SORCS3: variants seen among roughly 807,000 people sequenced by gnomAD.
SORCS3 encodes sortilin related VPS10 domain containing receptor 3.
A neutral mutation model predicts 146.3 loss-of-function variants in SORCS3; 57 were observed. The ratio of observed to expected loss-of-function variants is 0.39; its 90% CI spans 0.31 to 0.49. SORCS3 has a LOEUF of 0.49. SORCS3 is among the 20% of genes least tolerant of loss of function. The pLI, the probability that SORCS3 is intolerant of heterozygous loss-of-function variation, is 0.92. For missense variants in SORCS3, 1,341 were observed against 1,575.5 expected, an observed-to-expected ratio of 0.85 and a Z score of 2.52; for synonymous variants, 653 against 618.5, an observed-to-expected ratio of 1.06 and a Z score of -0.83.
At chr10:105,182,795 A>G (rs1163342683) in intron 14 of SORCS3, among the ~76,000 whole-genome samples, 2 of 152,026 alleles carry the variant, frequency 1.3e-5, no homozygotes, top group African/African-American at 4.8e-5. Flanking sequence ...TCCCAGGCTC[A>G]GGGGTCAAGT....
intron 1 of SORCS3, among the ~76,000 whole-genome samples, chr10:104,753,932 G>A (rs1315114540): frequency 1.3e-5 from 2 of 152,204 alleles, no homozygotes; most frequent in African/African-American, 4.8e-5. Flanking sequence ...AGTTGAGAAT[G>A]TATATATCTG....
intron 4 of SORCS3, among the ~76,000 whole-genome samples, chr10:104,999,032 T>C (rs1309552437): frequency 2.0e-5 from 3 of 152,162 alleles, no homozygotes; most frequent in African/African-American, 7.2e-5. Flanking sequence ...AGTGCCAGTG[T>C]CACTTGATGG....
chr10:104,725,984 T>G (rs1420223104), intron 1 of SORCS3, among the ~76,000 whole-genome samples: 1 of 152,212 alleles, frequency 6.6e-6, no homozygotes, highest in Non-Finnish European at 1.5e-5. Flanking sequence ...CCCACTGTCC[T>G]GTACCCACTG....
chr10:104,701,968 A>G (rs1248571514), intron 1 of SORCS3, among the ~76,000 whole-genome samples: 3 of 152,110 alleles, frequency 2.0e-5, no homozygotes, highest in Non-Finnish European at 2.9e-5. Flanking sequence ...GGCATATTGT[A>G]AATATTTTGG....
In SORCS3 at chr10:104,892,647, C is replaced by G. The variant is rs541104400; in HGVS notation, c.696-23186C>G. Among the ~76,000 whole-genome samples, 21 of 152,100 alleles carry G rather than the reference C, an allele frequency of 1.4e-4. No individual in the cohort carries two copies. The East Asian group carries it at 3.5e-3, about 25-fold the overall frequency. On this transcript the variant is annotated intron_variant, in intron 2 of 26. Coordinates refer to ENST00000369701, the MANE Select transcript of SORCS3 (RefSeq NM_014978.3). ...CTGAGACATGAGAATCACTTGTACC[C>G]GGGAGGCGGAGGTTGCAGTAGCCGA...
intron 1 of SORCS3, among the ~76,000 whole-genome samples, chr10:104,736,031 T>C (rs956580524): frequency 6.6e-6 from 1 of 152,214 alleles, no homozygotes; most frequent in Non-Finnish European, 1.5e-5. Context: ...ACTCATTTTC[T>C]CTTTCATCTC....
intron 1 of SORCS3, chr10:104,664,708 CAT>C (rs572120980): frequency 2.0e-5 from 3 of 152,148 alleles, no homozygotes; most frequent in East Asian, 1.9e-4. Flanking sequence ...TTCACCTTGA[CAT>C]GTGTGTATTG....
At chr10:105,142,556 C>A (rs2056102314) in intron 8 of SORCS3, among the ~76,000 whole-genome samples, 1 of 152,170 alleles carries the variant, frequency 6.6e-6, no homozygotes, top group South Asian at 2.1e-4. Context: ...GCTTGTGTAA[C>A]CAATGGGAGC....
intron 4 of SORCS3, among the ~76,000 whole-genome samples, chr10:105,038,696 A>G (rs778694399): frequency 6.6e-6 from 1 of 152,144 alleles, no homozygotes; most frequent in Non-Finnish European, 1.5e-5. Flanking sequence ...AAATTTTGGC[A>G]TATTTCCTTC....
intron 1 of SORCS3, among the ~76,000 whole-genome samples, chr10:104,698,434 A>G (rs2016242766): frequency 1.3e-5 from 2 of 152,186 alleles, no homozygotes; most frequent in Admixed American, 1.3e-4. Context: ...TAATATGTGC[A>G]AATTCCTGAG....
At chr10:105,030,906 T>C (rs2055262151) in intron 4 of SORCS3, among the ~76,000 whole-genome samples, 1 of 152,068 alleles carries the variant, frequency 6.6e-6, no homozygotes, top group Non-Finnish European at 1.5e-5. Flanking sequence ...GGATCCTTTT[T>C]ACAAAGGTCT....
At chr10:104,999,769 G>A (rs967923791) in intron 4 of SORCS3, among the ~76,000 whole-genome samples, 1 of 152,126 alleles carries the variant, frequency 6.6e-6, no homozygotes, top group African/African-American at 2.4e-5. Context: ...TTTACTCTGG[G>A]ATCATCGTGG....
chr10:105,109,933 C>T (rs2055848413), intron 7 of SORCS3, among the ~76,000 whole-genome samples: 1 of 151,092 alleles, frequency 6.6e-6, no homozygotes. Flanking sequence ...TTTTTAATTT[C>T]TCGGGAGTTT....
chr10:104,675,485 T>A (rs1487231716), intron 1 of SORCS3, among the ~76,000 whole-genome samples: 8 of 152,218 alleles, frequency 5.3e-5, no homozygotes, highest in Non-Finnish European at 7.3e-5. Context: ...GTCTCCTATG[T>A]TTTATTCTAG....
At chr10:105,096,701 G>A (rs1274717324) in intron 6 of SORCS3, among the ~76,000 whole-genome samples, 2 of 152,076 alleles carry the variant, frequency 1.3e-5, no homozygotes, top group Non-Finnish European at 2.9e-5. Flanking sequence ...CCAAAGGGAT[G>A]GTAGAAATGG....
chr10:104,887,996 A>G (rs1035784147), intron 2 of SORCS3, among the ~76,000 whole-genome samples: 1 of 148,636 alleles, frequency 6.7e-6, no homozygotes, highest in Non-Finnish European at 1.5e-5. Flanking sequence ...TGAAGACAGC[A>G]TGAGACCAAT....
intron 2 of SORCS3, among the ~76,000 whole-genome samples, chr10:104,909,636 G>GTCA (rs936782507): frequency 7.1e-6 from 1 of 140,178 alleles, no homozygotes; most frequent in African/African-American, 3.3e-5. Context: ...GGAAAGCCAT[G>GTCA]TGCTCACCCA....
chr10:104,810,335 A>T (rs1295762003), intron 1 of SORCS3, among the ~76,000 whole-genome samples: 1 of 152,206 alleles, frequency 6.6e-6, no homozygotes, highest in Non-Finnish European at 1.5e-5. Flanking sequence ...GTAAAATTAG[A>T]TGAACACTTT....
At position 105,011,547 on chromosome 10, in the gene SORCS3, G is replaced by A. The variant is rs568539788; in HGVS notation, c.955-31508G>A. 1.2e-4 allele frequency among the ~76,000 whole-genome samples: 19 copies of A among 152,064 alleles called. No homozygotes were observed. The South Asian group carries it at 1.9e-3, about 15-fold the overall frequency. On this transcript the variant is annotated intron_variant, in intron 4 of 26. Coordinates refer to ENST00000369701, the MANE Select transcript of SORCS3 (RefSeq NM_014978.3). ...TAGGTTATGATGTTTTAAGGTAAAC[G>A]CAGTTATTTATCTTAATTGCGTGGC...
Sources: allele counts gnomAD v4.1 joint callset (sites outside exome capture counted in the v4.1 genomes callset), GRCh38; gene constraint gnomAD v4.1.1; transcripts MANE v1.5; gene names NCBI Gene and HGNC (gene_info 2026-07-23, HGNC 2026-07-21).